EPM2A: variants seen among roughly 807,000 people sequenced by gnomAD.
EPM2A encodes laforin.
A neutral mutation model predicts 26.5 loss-of-function variants in EPM2A; 21 were observed. That is an observed-to-expected ratio of 0.79 (90% CI 0.56 to 1.14). The LOEUF (loss-of-function observed/expected upper bound fraction) is 1.14, where lower values mean the gene tolerates loss of function less well. EPM2A is among the 50% of genes most tolerant of loss of function. The pLI is 0.00. For missense variants in EPM2A, 458 were observed against 440.8 expected (o/e 1.04, Z -0.35); for synonymous variants, 217 against 177.6 (o/e 1.22, Z -1.76).
At chr6:145,641,549 G>A (rs1777087278) in intron 2 of EPM2A, among the ~76,000 whole-genome samples, 1 of 152,170 alleles carries the variant, frequency 6.6e-6, no homozygotes, top group Non-Finnish European at 1.5e-5. Flanking sequence ...CCCAATAAAA[G>A]TCTAAACATT....
At chr6:145,724,957 C>A (rs1776125141) in intron 1 of EPM2A, among the ~76,000 whole-genome samples, 1 of 151,718 alleles carries the variant, frequency 6.6e-6, no homozygotes, top group South Asian at 2.1e-4. Flanking sequence ...ATACCAAAAG[C>A]ATAATCCATG....
At chr6:145,467,793 T>A (rs1272439408) in intron 4 of EPM2A, among the ~76,000 whole-genome samples, 2 of 152,142 alleles carry the variant, frequency 1.3e-5, no homozygotes, top group African/African-American at 2.4e-5. Context: ...ACACTGTTTT[T>A]CGTAACAGTC....
chr6:145,702,244 A>G (rs1781954336), intron 1 of EPM2A, among the ~76,000 whole-genome samples: 1 of 152,136 alleles, frequency 6.6e-6, no homozygotes, highest in Non-Finnish European at 1.5e-5. Context: ...AATTTTTCAC[A>G]TTTCTTTACC....
chr6:145,662,721 G>C (rs1233625515), intron 2 of EPM2A, among the ~76,000 whole-genome samples: 1 of 152,138 alleles, frequency 6.6e-6, no homozygotes, highest in Non-Finnish European at 1.5e-5. Flanking sequence ...TCATGTCAGG[G>C]GGATCAGATA....
chr6:145,576,439 C>CT (rs1554252037), intron 2 of EPM2A, among the ~76,000 whole-genome samples: 4 of 151,950 alleles, frequency 2.6e-5, no homozygotes, highest in African/African-American at 9.7e-5. Context: ...GTAATTTATG[C>CT]ATATCACAAA....
At chr6:145,696,772 GGTATGTGTGT>G (rs1256730155) in intron 1 of EPM2A, among the ~76,000 whole-genome samples, 56 of 110,796 alleles carry the variant, frequency 5.1e-4, no homozygotes, top group African/African-American at 1.5e-3. Flanking sequence ...CACAGGTAGG[GGTATGTGTGT>G]GTGTGTGTGT....
intron 2 of EPM2A, among the ~76,000 whole-genome samples, chr6:145,515,810 T>C (rs995855784): frequency 6.6e-6 from 1 of 152,198 alleles, no homozygotes; most frequent in Non-Finnish European, 1.5e-5. Context: ...GCCCTTTGTG[T>C]GAAGGGAATA....
At chr6:145,496,959 A>G (rs1356734760), downstream of EPM2A, among the ~76,000 whole-genome samples, 2 of 152,064 alleles carry the variant, frequency 1.3e-5, no homozygotes, top group African/African-American at 2.4e-5. Flanking sequence ...AGTTCCTGCA[A>G]TGTTTTATCA....
At chr6:145,500,697 C>T (rs909978029), downstream of EPM2A, among the ~76,000 whole-genome samples, 1 of 152,156 alleles carries the variant, frequency 6.6e-6, no homozygotes, top group African/African-American at 2.4e-5. Flanking sequence ...CCACTGTGTT[C>T]CCAGAGACTC....
chr6:145,517,632 T>C (rs972222034), intron 2 of EPM2A, among the ~76,000 whole-genome samples: 1 of 152,224 alleles, frequency 6.6e-6, no homozygotes, highest in Non-Finnish European at 1.5e-5. Flanking sequence ...TATAAAAGAC[T>C]ACCTAATTTA....
chr6:145,431,544 C>A (rs1778921643), intron 4 of EPM2A, among the ~76,000 whole-genome samples: 1 of 152,246 alleles, frequency 6.6e-6, no homozygotes, highest in Non-Finnish European at 1.5e-5. Context: ...ATTAAGTATG[C>A]AATAGCATTA....
intron 4 of EPM2A, among the ~76,000 whole-genome samples, chr6:145,444,220 G>A (rs905456330): frequency 2.6e-5 from 4 of 152,136 alleles, no homozygotes; most frequent in African/African-American, 7.2e-5. Context: ...CATTCAGTAC[G>A]ATGTTGGCTG....
intron 4 of EPM2A, among the ~76,000 whole-genome samples, chr6:145,391,400 T>C (rs1380939776): frequency 1.3e-5 from 2 of 152,134 alleles, no homozygotes; most frequent in Non-Finnish European, 2.9e-5. Flanking sequence ...TGCCTTTGTG[T>C]CCTCTACTTC....
chr6:145,732,240 C>CGT (rs1562531388), intron 1 of EPM2A, among the ~76,000 whole-genome samples: 11 of 81,960 alleles, frequency 1.3e-4, no homozygotes, highest in Non-Finnish European at 1.7e-4. Context: ...TGTGTGTGCG[C>CGT]GCCAAAGTAA....
At chr6:145,505,380 TACAC>T (rs965839623) in intron 2 of EPM2A, among the ~76,000 whole-genome samples, 1 of 151,000 alleles carries the variant, frequency 6.6e-6, no homozygotes, top group East Asian at 1.9e-4. Context: ...TTTTCTCTCT[TACAC>T]ACACACACAC....
At chr6:145,558,843 A>C (rs1014301069) in intron 2 of EPM2A, among the ~76,000 whole-genome samples, 1 of 152,100 alleles carries the variant, frequency 6.6e-6, no homozygotes, top group Non-Finnish European at 1.5e-5. Flanking sequence ...TGCAGAAGCA[A>C]AGCCTGTTGC....
intron 2 of EPM2A, among the ~76,000 whole-genome samples, chr6:145,578,420 C>A (rs1781066568): frequency 6.6e-6 from 1 of 152,086 alleles, no homozygotes; most frequent in Non-Finnish European, 1.5e-5. Flanking sequence ...CAACTATATG[C>A]CAATACATTG....
At chr6:145,458,725 C>A (rs565021931) in intron 4 of EPM2A, among the ~76,000 whole-genome samples, 2 of 151,976 alleles carry the variant, frequency 1.3e-5, no homozygotes, top group Non-Finnish European at 2.9e-5. Flanking sequence ...TATATGGAAC[C>A]AAAAAATCCT....
intron 3 of EPM2A, chr6:145,635,038 T>C (rs910444159): frequency 3.7e-6 from 2 of 543,888 alleles, no homozygotes; most frequent in South Asian, 2.3e-5. Context: ...ACAATAAATA[T>C]GTGTTGAATG....
Sources: gnomAD v4.1 joint callset for allele counts (sites outside exome capture counted in the v4.1 genomes callset) on GRCh38, gnomAD v4.1.1 for gene constraint, MANE v1.5 for transcripts, NCBI Gene and HGNC (gene_info 2026-07-23, HGNC 2026-07-21) for gene names.